The following GRID2 variants were observed in gnomAD, a reference collection of about 807,000 sequenced individuals.
GRID2 encodes the protein glutamate receptor ionotropic, delta-2.
In GRID2, 33 loss-of-function variants were observed where a neutral mutation model predicts 114.8. The ratio of observed to expected loss-of-function variants is 0.29; its 90% CI spans 0.22 to 0.38. The LOEUF (loss-of-function observed/expected upper bound fraction) is 0.38. GRID2 is among the 10% of genes least tolerant of loss of function. The pLI is 1.00. For synonymous variants in GRID2, 505 were observed against 449.9 expected, an observed-to-expected ratio of 1.12 and a Z score of -1.55; for missense variants, 1,184 against 1,257.7, an observed-to-expected ratio of 0.94 and a Z score of 0.89.
At chr4:92,743,131 C>A in intron 2 of GRID2, among the ~76,000 whole-genome samples, 1 of 152,090 alleles carries the variant, frequency 6.6e-6, no homozygotes, top group Non-Finnish European at 1.5e-5. Flanking sequence ...ACAAAAATTA[C>A]CCTGGTATGA....
intron 1 of GRID2, among the ~76,000 whole-genome samples, chr4:92,346,676 C>T (rs1727778416): frequency 6.6e-6 from 1 of 152,096 alleles, no homozygotes; most frequent in African/African-American, 2.4e-5. Context: ...ACTTTAAATA[C>T]AATATCAGGG....
At chr4:92,855,780 G>A (rs1017198778) in intron 2 of GRID2, among the ~76,000 whole-genome samples, 3 of 151,884 alleles carry the variant, frequency 2.0e-5, no homozygotes, top group African/African-American at 4.8e-5. Context: ...TTATCTGGAG[G>A]TGAATTTCCT....
At chr4:92,575,382 G>A (rs1001102824) in intron 1 of GRID2, among the ~76,000 whole-genome samples, 4 of 152,178 alleles carry the variant, frequency 2.6e-5, no homozygotes, top group Admixed American at 6.5e-5. Context: ...TCATTTAGAG[G>A]AAAAGGGACA....
chr4:93,418,837 G>A (rs1225843670), intron 9 of GRID2, among the ~76,000 whole-genome samples: 1 of 151,880 alleles, frequency 6.6e-6, no homozygotes, highest in Admixed American at 6.6e-5. Context: ...GGAATCTGGA[G>A]CCTCCATCAG....
chr4:92,359,984 T>G (rs931714328), intron 1 of GRID2, among the ~76,000 whole-genome samples: 6 of 152,032 alleles, frequency 3.9e-5, no homozygotes, highest in African/African-American at 1.4e-4. Context: ...TCTATCTGAA[T>G]TGTATTTCTT....
chr4:92,383,438 T>C (rs1020619505), intron 1 of GRID2, among the ~76,000 whole-genome samples: 1 of 152,044 alleles, frequency 6.6e-6, no homozygotes, highest in African/African-American at 2.4e-5. Context: ...TGTTAATACA[T>C]ACCTTTCAGC....
intron 1 of GRID2, among the ~76,000 whole-genome samples, chr4:92,348,592 T>A (rs1344645103): frequency 6.6e-6 from 1 of 152,176 alleles, no homozygotes; most frequent in Non-Finnish European, 1.5e-5. Context: ...TTATACCTGT[T>A]AGGCTAGGTG....
chr4:92,720,211 A>T (rs760797982), intron 2 of GRID2, among the ~76,000 whole-genome samples: 28 of 152,152 alleles, frequency 1.8e-4, no homozygotes, highest in Middle Eastern at 3.4e-3. Context: ...ACATCTTTCC[A>T]AGCATCCTAA....
chr4:92,607,840 C>T (rs982562163), intron 2 of GRID2, among the ~76,000 whole-genome samples: 1 of 151,604 alleles, frequency 6.6e-6, no homozygotes, highest in African/African-American at 2.4e-5. Context: ...CTACCTCTTC[C>T]AAAGCTTTAA....
At chr4:92,745,556 T>A (rs1169022406) in intron 2 of GRID2, among the ~76,000 whole-genome samples, 1 of 152,186 alleles carries the variant, frequency 6.6e-6, no homozygotes, top group African/African-American at 2.4e-5. Context: ...GAAGAGATAT[T>A]TTAATACTAG....
intron 1 of GRID2, among the ~76,000 whole-genome samples, chr4:92,580,500 A>C (rs1304879621): frequency 6.6e-6 from 1 of 151,926 alleles, no homozygotes; most frequent in Non-Finnish European, 1.5e-5. Context: ...ATTACAAGAA[A>C]CTTATTTATT....
At chr4:93,051,000 G>C (rs931798437) in intron 2 of GRID2, among the ~76,000 whole-genome samples, 1 of 152,000 alleles carries the variant, frequency 6.6e-6, no homozygotes, top group African/African-American at 2.4e-5. Flanking sequence ...TCATACCACT[G>C]AGGGATTTTC....
At chr4:92,692,472 ATTAAC>A (rs1190549529) in intron 2 of GRID2, among the ~76,000 whole-genome samples, 1 of 152,200 alleles carries the variant, frequency 6.6e-6, no homozygotes, top group African/African-American at 2.4e-5. Context: ...TGTATCATTT[ATTAAC>A]TTATCAGAAT....
At chr4:92,561,802 T>C (rs904927490) in intron 1 of GRID2, among the ~76,000 whole-genome samples, 33 of 152,318 alleles carry the variant, frequency 2.2e-4, no homozygotes, top group African/African-American at 7.2e-4. Flanking sequence ...ATTGTTGGGT[T>C]GTCTATCTAA....
At chr4:92,887,689 T>G (rs1323324465) in intron 2 of GRID2, among the ~76,000 whole-genome samples, 2 of 152,218 alleles carry the variant, frequency 1.3e-5, no homozygotes, top group African/African-American at 4.8e-5. Context: ...AGATCTTTTC[T>G]TAATCAGATT....
At chr4:93,679,390 A>G (rs1336766478) in intron 14 of GRID2, among the ~76,000 whole-genome samples, 1 of 150,914 alleles carries the variant, frequency 6.6e-6, no homozygotes, top group African/African-American at 2.5e-5. Context: ...GTTAACAAGG[A>G]TACCCAGGAA....
At chr4:93,030,313 A>G (rs1169264349) in intron 2 of GRID2, among the ~76,000 whole-genome samples, 1 of 150,798 alleles carries the variant, frequency 6.6e-6, no homozygotes, top group Admixed American at 6.6e-5. Context: ...TACCTACCAA[A>G]TTTTAAACCC....
At chr4:93,206,358 T>G (rs911445019) in intron 4 of GRID2, among the ~76,000 whole-genome samples, 1 of 152,024 alleles carries the variant, frequency 6.6e-6, no homozygotes, top group African/African-American at 2.4e-5. Context: ...GAACAAAGAA[T>G]AGCCAACAAA....
intron 14 of GRID2, among the ~76,000 whole-genome samples, chr4:93,655,141 A>G (rs1220514617): frequency 6.6e-6 from 1 of 152,186 alleles, no homozygotes. Context: ...GCCGATAGGG[A>G]TGGCCCTTCC....
Sources: allele counts gnomAD v4.1 joint callset (sites outside exome capture counted in the v4.1 genomes callset), GRCh38; gene constraint gnomAD v4.1.1; transcripts MANE v1.5; gene names NCBI Gene and HGNC (gene_info 2026-07-23, HGNC 2026-07-21).